The following NR2F1-AS1 variants were observed in gnomAD, a reference collection of about 807,000 sequenced individuals.
NR2F1-AS1 encodes the protein NR2F1 antisense RNA 1.
chr5:93,534,752 C>T (rs930210525), intron 4 of NR2F1-AS1, among the ~76,000 whole-genome samples: 5 of 152,150 alleles, frequency 3.3e-5, no homozygotes, highest in Admixed American at 2.0e-4. Context: ...TACGATCCAG[C>T]CGGTGTAAAA....
At position 93,465,073 on chromosome 5, in the gene NR2F1-AS1, A is replaced by C. The variant is rs1404976829; in HGVS notation, n.639-69531T>G. Among the ~76,000 whole-genome samples, 7 of 152,264 alleles carry C rather than the reference A, an allele frequency of 4.6e-5. No homozygotes were observed. The East Asian group carries it at 1.3e-3, about 29-fold the overall frequency. On this transcript the variant is annotated intron_variant and non_coding_transcript_variant, in intron 4 of 5. Transcript: ENST00000660523. ...TTGCTGCAAAAGCCAAAATAGAAAA[A>C]TGGGATCTAATTAAACTAAAGAGTT...
intron 4 of NR2F1-AS1, among the ~76,000 whole-genome samples, chr5:93,494,368 C>T (rs1028889292): frequency 3.3e-5 from 5 of 152,248 alleles, no homozygotes; most frequent in Middle Eastern, 6.8e-3. Flanking sequence ...TAGTGGCTCA[C>T]GCCTGTAATC....
intron 4 of NR2F1-AS1, among the ~76,000 whole-genome samples, chr5:93,455,856 C>A (rs1252588633): frequency 3.9e-5 from 6 of 151,910 alleles, no homozygotes; most frequent in Non-Finnish European, 8.8e-5. Flanking sequence ...CACACACACA[C>A]ACACACACAC....
At chr5:93,490,012 T>C (rs1750803064) in intron 4 of NR2F1-AS1, among the ~76,000 whole-genome samples, 1 of 152,160 alleles carries the variant, frequency 6.6e-6, no homozygotes. Flanking sequence ...ACCTGTGAAA[T>C]GGAGAAAATT....
intron 4 of NR2F1-AS1, among the ~76,000 whole-genome samples, chr5:93,526,087 A>G (rs964309524): frequency 6.6e-6 from 1 of 152,218 alleles, no homozygotes; most frequent in Non-Finnish European, 1.5e-5. Context: ...TTAAATGATT[A>G]ACAAAATAGA....
At chr5:93,497,285 T>C (rs1750981406) in intron 4 of NR2F1-AS1, among the ~76,000 whole-genome samples, 1 of 152,164 alleles carries the variant, frequency 6.6e-6, no homozygotes, top group Admixed American at 6.5e-5. Flanking sequence ...ATGGAGATAT[T>C]ACGCTGTGTT....
chr5:93,475,854 C>T (rs1019933658), intron 4 of NR2F1-AS1, among the ~76,000 whole-genome samples: 1 of 152,148 alleles, frequency 6.6e-6, no homozygotes, highest in African/African-American at 2.4e-5. Flanking sequence ...AACTAAAATG[C>T]TATAATTCCA....
chr5:93,434,229 G>T (rs1224660591), intron 4 of NR2F1-AS1, among the ~76,000 whole-genome samples: 1 of 152,028 alleles, frequency 6.6e-6, no homozygotes, highest in Admixed American at 6.6e-5. Flanking sequence ...ATTCAGGGGT[G>T]CCTCAGGGTC....
chr5:93,440,176 G>C (rs752197378), intron 4 of NR2F1-AS1, among the ~76,000 whole-genome samples: 102 of 149,792 alleles, frequency 6.8e-4, no homozygotes, highest in Admixed American at 1.1e-3. Flanking sequence ...TCTTTCTCTC[G>C]CTCGCTCTCT....
chr5:93,475,861 TC>T (rs1417561417), intron 4 of NR2F1-AS1, among the ~76,000 whole-genome samples: 1 of 152,186 alleles, frequency 6.6e-6, no homozygotes, highest in Non-Finnish European at 1.5e-5. Flanking sequence ...ATGCTATAAT[TC>T]CACATCATTA....
intron 2 of NR2F1-AS1, among the ~76,000 whole-genome samples, chr5:93,555,293 G>A (rs1003623908): frequency 6.6e-6 from 1 of 152,148 alleles, no homozygotes; most frequent in African/African-American, 2.4e-5. Context: ...AAGTTTTATA[G>A]AAAGTACTAC....
chr5:93,434,551 T>A (rs1749394698), intron 4 of NR2F1-AS1, among the ~76,000 whole-genome samples: 3 of 152,202 alleles, frequency 2.0e-5, no homozygotes, highest in Admixed American at 2.0e-4. Context: ...TGTAAGCAGT[T>A]CTGTGTGACT....
At chr5:93,551,633 GCT>G (rs1752232168) in intron 4 of NR2F1-AS1, among the ~76,000 whole-genome samples, 1 of 151,858 alleles carries the variant, frequency 6.6e-6, no homozygotes, top group Non-Finnish European at 1.5e-5. Context: ...TAACAAATGG[GCT>G]CCTCCTTTGA....
At chr5:93,426,427 G>A (rs1411501711) in intron 4 of NR2F1-AS1, among the ~76,000 whole-genome samples, 2 of 152,146 alleles carry the variant, frequency 1.3e-5, no homozygotes, top group South Asian at 2.1e-4. Flanking sequence ...CTGGCACAAA[G>A]CCTGAACTTC....
intron 1 of NR2F1-AS1, among the ~76,000 whole-genome samples, chr5:93,573,744 G>T (rs919163157): frequency 6.6e-6 from 1 of 152,150 alleles, no homozygotes; most frequent in African/African-American, 2.4e-5. Context: ...CTCTCCAAGC[G>T]ATTTGACCAG....
chr5:93,576,385 G>GCT (rs2149932781), intron 1 of NR2F1-AS1, among the ~76,000 whole-genome samples: 1 of 148,776 alleles, frequency 6.7e-6, no homozygotes, highest in Non-Finnish European at 1.5e-5. Context: ...GGGCATAATT[G>GCT]TTTACTGTTC....
At chr5:93,576,855 A>G (rs1752909006) in intron 1 of NR2F1-AS1, among the ~76,000 whole-genome samples, 1 of 152,248 alleles carries the variant, frequency 6.6e-6, no homozygotes. Context: ...ACTCATTTCA[A>G]AACTTCAACT....
rs529479461 is a variant in NR2F1-AS1, at chr5:93,539,707, A to C, written n.638+14054T>G. On this transcript the variant is annotated intron_variant and non_coding_transcript_variant, in intron 4 of 5. Transcript: ENST00000660523. ...TTGTGTTCTATTACACAGTAAGGTA[A>C]CTATGGTTAACATTAAGGTATTCTC... Among the ~76,000 whole-genome samples the C allele has an allele frequency of 3.9e-5, 6 of 152,288 alleles. No individual in the cohort carries two copies. In the East Asian group the frequency reaches 1.2e-3, roughly 29 times the overall value.
chr5:93,549,474 T>C (rs999567606), intron 4 of NR2F1-AS1, among the ~76,000 whole-genome samples: 18 of 152,190 alleles, frequency 1.2e-4, no homozygotes, highest in African/African-American at 3.6e-4. Context: ...AGTACAATTC[T>C]ATGGTCCTTA....
Sources: gnomAD v4.1 joint callset for allele counts (sites outside exome capture counted in the v4.1 genomes callset) on GRCh38, gnomAD v4.1.1 for gene constraint, MANE v1.5 for transcripts, NCBI Gene and HGNC (gene_info 2026-07-23, HGNC 2026-07-21) for gene names.